The following RHOBTB1 variants were observed in gnomAD, a reference collection of about 807,000 sequenced individuals.
RHOBTB1 encodes rho-related BTB domain-containing protein 1.
A neutral mutation model predicts 71.6 loss-of-function variants in RHOBTB1; 40 were observed. That is an observed-to-expected ratio of 0.56 (90% CI 0.43 to 0.73). RHOBTB1 has a LOEUF of 0.73. Ranked by LOEUF, RHOBTB1 falls within the 30% of genes least tolerant of loss-of-function variation. The pLI, the probability that RHOBTB1 is intolerant of heterozygous loss-of-function variation, is 0.00. For synonymous variants in RHOBTB1, 319 were observed against 334.9 expected (o/e 0.95, Z 0.52); for missense variants, 797 against 894.0 (o/e 0.89, Z 1.38).
chr10:60,962,120 C>CTT (rs904983675), intron 2 of RHOBTB1, among the ~76,000 whole-genome samples: 1 of 150,802 alleles, frequency 6.6e-6, no homozygotes, highest in Non-Finnish European at 1.5e-5. Context: ...TTTATAATGG[C>CTT]TTTTTTTTTG....
intron 4 of RHOBTB1, among the ~76,000 whole-genome samples, chr10:60,898,296 C>T (rs1051091152): frequency 2.0e-5 from 3 of 152,214 alleles, no homozygotes; most frequent in African/African-American, 7.2e-5. Flanking sequence ...CTGCTGGTAA[C>T]TGAGGTAGGT....
In RHOBTB1 at chr10:60,872,285, G is replaced by C; in HGVS notation, c.1821C>G (p.His607Gln). The C allele has an allele frequency of 1.2e-6, 2 of 1,613,180 alleles. No individual in the cohort carries two copies. The highest frequency in any genetic ancestry group is 1.7e-6 in the Non-Finnish European group (2 of 1,179,114). The change falls in exon 10 of 11, where the codon CAC becomes CAG. Residue 607 changes from histidine to glutamine, a missense_variant. Coordinates refer to ENST00000337910, the MANE Select transcript of RHOBTB1 (RefSeq NM_014836.5). The part of the protein sequence containing the change: ...VLSYLELAQF[H>Q]NAHQLAAWCL... ...ACCAGGCGGCCAACTGGTGGGCATT[G>C]TGAAACTGCAGAAAAGTGAGCAAAA... is the stretch of plus-strand genomic sequence containing the variant.
intron 2 of RHOBTB1, among the ~76,000 whole-genome samples, chr10:60,973,351 T>C (rs1028284274): frequency 1.3e-5 from 2 of 152,098 alleles, no homozygotes; most frequent in African/African-American, 4.8e-5. Context: ...TTTATCTTTC[T>C]GTCTACATTC....
intron 2 of RHOBTB1, among the ~76,000 whole-genome samples, chr10:60,931,313 T>C (rs1440481492): frequency 6.6e-6 from 1 of 152,200 alleles, no homozygotes; most frequent in Non-Finnish European, 1.5e-5. Context: ...CAAAGAAACC[T>C]TGTGCCCACT....
chr10:60,955,879 G>T (rs921914650), intron 2 of RHOBTB1, among the ~76,000 whole-genome samples: 2 of 152,114 alleles, frequency 1.3e-5, no homozygotes, highest in African/African-American at 4.8e-5. Context: ...TAAATATTTT[G>T]TTACATTTAT....
chr10:60,996,507 TTGTAGATGACCTGATGTCCCCCAC>T (rs2087055580), intron 1 of RHOBTB1, among the ~76,000 whole-genome samples: 1 of 152,254 alleles, frequency 6.6e-6, no homozygotes, highest in African/African-American at 2.4e-5. Context: ...CTGTCCACCA[TTGTAGATGACCTGATGTCCCCCAC>T]TGTAGATGAC....
At chr10:60,862,267 G>A in the RHOBTB1 span, among the ~76,000 whole-genome samples, 3 of 150,718 alleles carry the variant, frequency 2.0e-5, no homozygotes, top group Admixed American at 6.6e-5. Context: ...GCGTGATCTC[G>A]GCTAACTGAA....
At chr10:60,877,562 C>A (rs1374112856) in intron 8 of RHOBTB1, among the ~76,000 whole-genome samples, 1 of 152,168 alleles carries the variant, frequency 6.6e-6, no homozygotes, top group African/African-American at 2.4e-5. Context: ...TGTCTGTGCA[C>A]TTATTATGGA....
At chr10:60,864,630 T>C (rs2080629328), downstream of RHOBTB1, among the ~76,000 whole-genome samples, 3 of 152,164 alleles carry the variant, frequency 2.0e-5, no homozygotes, top group Non-Finnish European at 2.9e-5. Flanking sequence ...CTTTTTTGGA[T>C]TGTTAAGCCC....
chr10:60,928,841 T>TAG (rs1364396266), intron 2 of RHOBTB1, among the ~76,000 whole-genome samples: 2 of 152,156 alleles, frequency 1.3e-5, no homozygotes, highest in African/African-American at 4.8e-5. Flanking sequence ...CCCAATGTAG[T>TAG]AGTCTGTTCT....
At chr10:60,955,296 C>T (rs2085553054) in intron 2 of RHOBTB1, among the ~76,000 whole-genome samples, 3 of 152,084 alleles carry the variant, frequency 2.0e-5, no homozygotes, top group Admixed American at 6.6e-5. Context: ...CTGCTTCGGC[C>T]TCCCAAAGTG....
chr10:60,869,753 A>G lies in RHOBTB1; in HGVS notation c.*1729T>C, dbSNP rs2080693896. 11 of 152,490 alleles carry G rather than the reference A, an allele frequency of 7.2e-5. No individual in the cohort carries two copies. Among genetic ancestry groups the G allele is most frequent in the Admixed American group, 7.2e-4 (11 of 15,278 alleles). 9.4% of individuals were successfully genotyped at this position (152,490 alleles called of 1,614,324 possible). ...CACATCTTGTCTCCTTTCTCCTTCC[A>G]TCGATAAGATTTACAAGCCTATTGA... On this transcript the variant is annotated 3_prime_UTR_variant, in exon 11 of 11. Coordinates refer to ENST00000337910, the MANE Select transcript of RHOBTB1 (RefSeq NM_014836.5).
chr10:60,931,768 T>C (rs1018918202), intron 2 of RHOBTB1, among the ~76,000 whole-genome samples: 4 of 151,900 alleles, frequency 2.6e-5, no homozygotes, highest in African/African-American at 9.6e-5. Flanking sequence ...AGCTCTCACA[T>C]AAAAAAAACC....
At chr10:60,959,902 G>T (rs924315738) in intron 2 of RHOBTB1, among the ~76,000 whole-genome samples, 1 of 152,158 alleles carries the variant, frequency 6.6e-6, no homozygotes, top group Non-Finnish European at 1.5e-5. Flanking sequence ...TGTAAATGGA[G>T]CACTTAACAT....
intron 2 of RHOBTB1, among the ~76,000 whole-genome samples, chr10:60,920,830 A>G (rs2083517940): frequency 6.7e-6 from 1 of 150,216 alleles, no homozygotes; most frequent in Non-Finnish European, 1.5e-5. Context: ...AATTTTTTGT[A>G]TTTTTGGTAA....
chr10:60,914,299 A>T (rs2083154045), intron 2 of RHOBTB1, among the ~76,000 whole-genome samples: 1 of 152,148 alleles, frequency 6.6e-6, no homozygotes, highest in Admixed American at 6.5e-5. Context: ...CAGAATAAAA[A>T]TAGTAATACC....
At chr10:60,926,799 C>T (rs1482115914) in intron 2 of RHOBTB1, among the ~76,000 whole-genome samples, 1 of 152,106 alleles carries the variant, frequency 6.6e-6, no homozygotes, top group African/African-American at 2.4e-5. Context: ...AAGTGAAAGC[C>T]TTTTTTCTAA....
upstream of RHOBTB1, among the ~76,000 whole-genome samples, chr10:60,947,787 C>T (rs1193396705): frequency 2.6e-5 from 4 of 152,234 alleles, no homozygotes; most frequent in Non-Finnish European, 2.9e-5. Flanking sequence ...AAAACACTTC[C>T]GTAAACATTT....
At chr10:60,933,537 T>C (rs1404046783) in intron 2 of RHOBTB1, among the ~76,000 whole-genome samples, 10 of 152,018 alleles carry the variant, frequency 6.6e-5, no homozygotes, top group Non-Finnish European at 2.9e-5. Context: ...CTGGCCAACA[T>C]AGTGAAACTT....
Sources: allele counts gnomAD v4.1 joint callset (sites outside exome capture counted in the v4.1 genomes callset), GRCh38; gene constraint gnomAD v4.1.1; transcripts MANE v1.5; gene names NCBI Gene and HGNC (gene_info 2026-07-23, HGNC 2026-07-21).